The following PCSK6 variants were observed in gnomAD, a reference collection of about 807,000 sequenced individuals.
PCSK6 encodes paired basic amino acid cleaving enzyme 4.
PCSK6 carries 85 observed loss-of-function variants against 123.3 expected under a neutral mutation model. The observed-to-expected ratio is 0.69, with a 90% CI of 0.58 to 0.83. PCSK6 has a LOEUF of 0.83. Ranked by LOEUF, PCSK6 falls within the 40% of genes least tolerant of loss-of-function variation. The pLI, the probability that PCSK6 is intolerant of heterozygous loss-of-function variation, is 0.00. For synonymous variants in PCSK6, 508 were observed against 516.0 expected, an observed-to-expected ratio of 0.98 and a Z score of 0.21; for missense variants, 1,191 against 1,282.3, an observed-to-expected ratio of 0.93 and a Z score of 1.09.
At chr15:101,374,356 G>A (rs1161778487) in intron 11 of PCSK6, among the ~76,000 whole-genome samples, 1 of 152,130 alleles carries the variant, frequency 6.6e-6, no homozygotes, top group Non-Finnish European at 1.5e-5. Flanking sequence ...GAGTGCCAGG[G>A]GAAGCAGGAA....
At chr15:101,375,190 C>T (rs2005642) in intron 11 of PCSK6, among the ~76,000 whole-genome samples, 59,450 of 151,940 alleles carry the variant, frequency 0.39, 12,148 homozygotes, top group East Asian at 0.69. Flanking sequence ...TGACCTCAGG[C>T]GATCCGCCCG....
At chr15:101,381,777 G>A (rs182837425) in intron 11 of PCSK6, among the ~76,000 whole-genome samples, 1 of 152,318 alleles carries the variant, frequency 6.6e-6, no homozygotes, top group African/African-American at 2.4e-5. Context: ...TTCCTGACTT[G>A]GGCTGACATG....
intron 7 of PCSK6, among the ~76,000 whole-genome samples, chr15:101,393,734 G>T (rs747196369): frequency 2.6e-5 from 4 of 152,220 alleles, no homozygotes; most frequent in Non-Finnish European, 5.9e-5. Flanking sequence ...CTATTCCAGA[G>T]CCATGCCTGT....
At chr15:101,338,461 A>G (rs2040532408) in intron 13 of PCSK6, among the ~76,000 whole-genome samples, 2 of 152,202 alleles carry the variant, frequency 1.3e-5, no homozygotes, top group Admixed American at 1.3e-4. Flanking sequence ...TTGGGAAGGT[A>G]AGCCACATGG....
At chr15:101,355,624 T>C (rs1411976811) in intron 13 of PCSK6, among the ~76,000 whole-genome samples, 1 of 152,198 alleles carries the variant, frequency 6.6e-6, no homozygotes, top group Non-Finnish European at 1.5e-5. Flanking sequence ...GCAGACAAGG[T>C]AAGTGTGTGC....
At chr15:101,355,279 G>A (rs988323845) in intron 13 of PCSK6, among the ~76,000 whole-genome samples, 6 of 152,234 alleles carry the variant, frequency 3.9e-5, no homozygotes, top group Admixed American at 1.3e-4. Flanking sequence ...TACCAAGTAC[G>A]TAAAACCCTT....
intron 6 of PCSK6, among the ~76,000 whole-genome samples, chr15:101,420,851 G>A (rs2056061706): frequency 6.6e-6 from 1 of 152,250 alleles, no homozygotes; most frequent in African/African-American, 2.4e-5. Context: ...ACATGCCTCT[G>A]TGGATTCCTG....
intron 1 of PCSK6, 149 bp from the exon 2 acceptor site, chr15:101,443,809 G>C (rs1436929729): frequency 3.1e-6 from 2 of 648,562 alleles, no homozygotes; most frequent in East Asian, 5.2e-5. Flanking sequence ...CATATCTCTG[G>C]CATGTGTGCA....
intron 12 of PCSK6, among the ~76,000 whole-genome samples, chr15:101,369,822 A>G (rs2041522196): frequency 6.6e-6 from 1 of 152,188 alleles, no homozygotes; most frequent in Non-Finnish European, 1.5e-5. Context: ...GCAGCCTGGG[A>G]GCACCTTCCC....
Position 101,431,990 on chromosome 15 carries a change from C to T in PCSK6, c.513G>A (p.Leu171=). ...NDPIWSNMWY[L]HCGDKNSRCR... ...CAGACAGAGGTCCTGTCCTACTCAC[C>T]AGGTACCACATGTTGGACCAAATGG... Residue 171 remains leucine, a splice_region_variant and synonymous_variant, in exon 3 of 22, where the codon CTG becomes CTA. Coordinates refer to ENST00000611716, the MANE Select transcript of PCSK6 (RefSeq NM_002570.5). 2 of 1,608,948 alleles carry T rather than the reference C, an allele frequency of 1.2e-6. No homozygotes were observed. The highest frequency in any genetic ancestry group is 1.7e-6 in the Non-Finnish European group (2 of 1,176,052).
At position 101,398,741 on chromosome 15, in the gene PCSK6, G is replaced by A. The variant is rs2042497052; in HGVS notation, c.824-165C>T. ...AAACTGGCTCCTCTTCTCCATGCTG[G>A]CTGATGTGAAAGAACTCAGGCCAGG... On this transcript the variant is annotated intron_variant, in intron 6 of 21. Transcript: ENST00000611716. The surrounding 1 kb of genome is among the most constrained non-coding windows in gnomAD (Gnocchi z 4.6). 6.6e-6 allele frequency among the ~76,000 whole-genome samples: 1 copy of A among 152,154 alleles called. No homozygotes were observed. The highest frequency in any genetic ancestry group is 2.4e-5 in the African/African-American group (1 of 41,428).
chr15:101,347,770 C>T, intron 13 of PCSK6: 2 of 1,613,642 alleles, frequency 1.2e-6, no homozygotes, highest in Non-Finnish European at 1.7e-6. Context: ...TGTTTTAGTC[C>T]AGGTTCCCTG....
chr15:101,391,531 T>C (rs1164459168), intron 8 of PCSK6, among the ~76,000 whole-genome samples: 1 of 152,260 alleles, frequency 6.6e-6, no homozygotes, highest in Admixed American at 6.5e-5. Context: ...CCTCTTGTTC[T>C]GGTGAGAGAT....
At chr15:101,341,226 C>T (rs1359432772) in intron 13 of PCSK6, among the ~76,000 whole-genome samples, 7 of 147,372 alleles carry the variant, frequency 4.7e-5, no homozygotes, top group South Asian at 2.1e-4. Context: ...TGAGCCGCAC[C>T]GCGCCTGGCC....
chr15:101,364,682 A>G (rs1038427219), intron 13 of PCSK6, among the ~76,000 whole-genome samples: 7 of 152,224 alleles, frequency 4.6e-5, no homozygotes, highest in African/African-American at 1.7e-4. Context: ...ACAGAAAACT[A>G]TCCCAAGTTT....
chr15:101,439,182 A>AG (rs2056687907), intron 2 of PCSK6, among the ~76,000 whole-genome samples: 1 of 152,164 alleles, frequency 6.6e-6, no homozygotes. Context: ...GAACAAGTGT[A>AG]GGGGGGAAGG....
At chr15:101,405,429 G>A (rs977453157) in intron 6 of PCSK6, among the ~76,000 whole-genome samples, 2 of 152,160 alleles carry the variant, frequency 1.3e-5, no homozygotes, top group African/African-American at 2.4e-5. Flanking sequence ...GGAGTGTTGA[G>A]TGGAAGGAAG....
rs2057076755 is a variant in PCSK6, at chr15:101,453,035, C to A, written c.298-9375G>T. ...TTTTAATTGTAATAAAACAAGGTAA[C>A]CAGACCTTTTAGCCCCTTTCCCAAA... On this transcript the variant is annotated intron_variant, in intron 1 of 21. Coordinates refer to ENST00000611716, the MANE Select transcript of PCSK6 (RefSeq NM_002570.5). 2.0e-5 allele frequency among the ~76,000 whole-genome samples: 3 copies of A among 152,140 alleles called. No homozygotes were observed. The South Asian group carries it at 6.2e-4, about 32-fold the overall frequency.
At chr15:101,480,912 TAAAC>T (rs78223167) in intron 1 of PCSK6, among the ~76,000 whole-genome samples, 25,274 of 151,996 alleles carry the variant, frequency 0.17, 2,481 homozygotes, top group Admixed American at 0.27. Flanking sequence ...AAATGACACT[TAAAC>T]AAAGCGCAGG....
Sources: gnomAD v4.1 joint callset for allele counts (sites outside exome capture counted in the v4.1 genomes callset) on GRCh38, gnomAD v4.1.1 for gene constraint, Gnocchi (gnomAD v3.1) non-coding constraint, MANE v1.5 for transcripts, NCBI Gene and HGNC (gene_info 2026-07-23, HGNC 2026-07-21) for gene names.